GOLGA7B: variants seen among roughly 807,000 people sequenced by gnomAD.
GOLGA7B encodes golgin subfamily A member 7B.
A neutral mutation model predicts 21.5 loss-of-function variants in GOLGA7B; 17 were observed. That is an observed-to-expected ratio of 0.79 (90% confidence interval 0.54 to 1.19). GOLGA7B has a LOEUF of 1.19. Among genes scored for constraint, GOLGA7B ranks in the 50% most tolerant of loss-of-function variants. The probability of loss-of-function intolerance (pLI) is 0.00; values close to 1 mark genes in which losing one functional copy is unlikely to be tolerated. For missense variants in GOLGA7B, 169 were observed against 224.4 expected (o/e 0.75, Z 1.58); for synonymous variants, 87 against 84.0 (o/e 1.04, Z -0.19).
At chr10:97,864,103 G>A (rs1002135100) in intron 3 of GOLGA7B, 21 bp downstream of exon 3, 17 of 1,613,844 alleles carry the variant, frequency 1.1e-5, no homozygotes, top group African/African-American at 8.0e-5. Flanking sequence ...CCGCCCCACC[G>A]TGCATCCCTT....
At chr10:97,855,180 A>T (rs768444986) in intron 1 of GOLGA7B, among the ~76,000 whole-genome samples, 5 of 152,344 alleles carry the variant, frequency 3.3e-5, no homozygotes, top group South Asian at 4.1e-4. Context: ...GTGTGTACAC[A>T]TGTGTGCATT....
At chr10:97,854,920 T>C (rs1270069286) in intron 1 of GOLGA7B, among the ~76,000 whole-genome samples, 1 of 152,162 alleles carries the variant, frequency 6.6e-6, no homozygotes, top group Non-Finnish European at 1.5e-5. Context: ...TGTCACTATC[T>C]TCAACACAGG....
chr10:97,851,786 A>G (rs1210576622), intron 1 of GOLGA7B, among the ~76,000 whole-genome samples: 1 of 152,228 alleles, frequency 6.6e-6, no homozygotes, highest in East Asian at 1.9e-4. Context: ...CATCTGTCCC[A>G]GGATGTCTGC....
chr10:97,859,618 G>A (rs770673208), intron 2 of GOLGA7B, 35 bp downstream of exon 2: 3 of 1,608,086 alleles, frequency 1.9e-6, no homozygotes, highest in Admixed American at 1.7e-5. Flanking sequence ...GGAACCCAGG[G>A]CTGTGATGGA....
At position 97,852,610 on chromosome 10, in the gene GOLGA7B, C is replaced by T. The variant is rs56267144; in HGVS notation, c.12+2295C>T. Among the ~76,000 whole-genome samples, 361 of 151,842 alleles carry T rather than the reference C, an allele frequency of 2.4e-3. 1 individual carries two copies. Among genetic ancestry groups the T allele is most frequent in the Non-Finnish European group, 4.1e-3 (279 of 67,988 alleles). ...AAACTTGTTGGGAGAGGGAAAACAT[C>T]GCTTTAAGTTCCCATGATTATTCTG... On this transcript the variant is annotated intron_variant, in intron 1 of 4. Transcript: ENST00000370602.
chr10:97,868,626 CGT>C lies in GOLGA7B; in HGVS notation c.*2932_*2933del, dbSNP rs1178597268. 6.6e-6 allele frequency: 1 copy of C among 152,272 alleles called. No homozygotes were observed. The highest frequency in any genetic ancestry group is 1.5e-5 in the Non-Finnish European group (1 of 68,096). 9.4% of individuals were successfully genotyped at this position (152,272 alleles called of 1,614,324 possible). The stretch of plus-strand genomic sequence containing the variant: ...TCACTCCCTCTGCTGGAACCTGGGC[CGT>C]GTGTGGGTTGCCACAAGTGAGCGTG... On this transcript the variant is annotated 3_prime_UTR_variant, in exon 5 of 5. Coordinates refer to ENST00000370602, the MANE Select transcript of GOLGA7B (RefSeq NM_001010917.3).
intron 1 of GOLGA7B, among the ~76,000 whole-genome samples, chr10:97,856,714 GTGTTCCC>G (rs2049937416): frequency 6.6e-6 from 1 of 152,170 alleles, no homozygotes; most frequent in Admixed American, 6.5e-5. Context: ...CAGAGTATAA[GTGTTCCC>G]TGTTCTCTGC....
intron 4 of GOLGA7B, chr10:97,865,110 C>A (rs2050004692): frequency 1.3e-5 from 2 of 156,680 alleles, no homozygotes; most frequent in African/African-American, 4.8e-5. Context: ...TCCACACTAA[C>A]CCCAAGATTC....
In GOLGA7B at chr10:97,849,915, C is replaced by G. The variant is rs934542472; in HGVS notation, c.-389C>G. The G allele has an allele frequency of 2.0e-5, 3 of 152,004 alleles. No homozygotes were observed. Among genetic ancestry groups the G allele is most frequent in the Non-Finnish European group, 4.4e-5 (3 of 68,056 alleles). The allele number at this position is 152,004 out of a possible 1,614,324, so 9.4% of individuals were successfully genotyped here. A position where few individuals can be genotyped will look rare whatever the true frequency, so the allele number is the denominator to read the frequency against. Reference sequence around the variant, plus strand: ...CGCCGGAGTCTGGGGGCCGCGGCTTCCCCCTCCCGGCCAGCGGCGGCTCCT... The same window carrying G: ...CGCCGGAGTCTGGGGGCCGCGGCTTGCCCCTCCCGGCCAGCGGCGGCTCCT... On this transcript the variant is annotated 5_prime_UTR_variant, in exon 1 of 5. Coordinates refer to ENST00000370602, the MANE Select transcript of GOLGA7B (RefSeq NM_001010917.3).
chr10:97,855,357 C>T (rs1246262291), intron 1 of GOLGA7B, among the ~76,000 whole-genome samples: 2 of 152,202 alleles, frequency 1.3e-5, no homozygotes, highest in South Asian at 4.1e-4. Context: ...CCAGAGGCAT[C>T]ACATTGCCTG....
intron 1 of GOLGA7B, among the ~76,000 whole-genome samples, chr10:97,855,610 G>C (rs543267652): frequency 6.6e-6 from 1 of 152,214 alleles, no homozygotes; most frequent in South Asian, 2.1e-4. Flanking sequence ...CCTTCTAGGG[G>C]TAGGGGAGTC....
chr10:97,850,121 G>T lies in GOLGA7B; in HGVS notation c.-183G>T. On this transcript the variant is annotated 5_prime_UTR_variant, in exon 1 of 5. Transcript: ENST00000370602. ...CGGACAGCGCCGCGCCCCTTGCCTG[G>T]ACCCAGCCGCCCGCCCGCCCCCGGC... 1 of 185,460 alleles carries T rather than the reference G, an allele frequency of 5.4e-6. No homozygotes were observed. Among genetic ancestry groups the T allele is most frequent in the South Asian group, 1.7e-4 (1 of 5,918 alleles). 11.5% of individuals were successfully genotyped at this position (185,460 alleles called of 1,614,324 possible).
intron 4 of GOLGA7B, 71 bp downstream of exon 4, chr10:97,864,340 A>G: frequency 7.5e-7 from 1 of 1,338,544 alleles, no homozygotes; most frequent in Middle Eastern, 1.8e-4. Context: ...TGAGGCTGCC[A>G]GGAAACGAGG....
rs1280165428 is a variant in GOLGA7B, at chr10:97,867,082, G to GC, written c.*1387dup. ...GAGCCAAACTTTGGTGGCCTTTGGT[G>GC]CCCCCTCTCAGCTCCCCATGACAAG... is the stretch of plus-strand genomic sequence containing the variant. On this transcript the variant is annotated 3_prime_UTR_variant, in exon 5 of 5. Transcript: ENST00000370602. 2.6e-5 allele frequency: 4 copies of GC among 152,338 alleles called. No individual in the cohort carries two copies. Among genetic ancestry groups the GC allele is most frequent in the African/African-American group, 9.7e-5 (4 of 41,432 alleles). 9.4% of individuals were successfully genotyped at this position (152,338 alleles called of 1,614,324 possible). A position where few individuals can be genotyped will look rare whatever the true frequency, so the allele number is the denominator to read the frequency against.
At chr10:97,855,655 T>C (rs2049930714) in intron 1 of GOLGA7B, among the ~76,000 whole-genome samples, 1 of 152,198 alleles carries the variant, frequency 6.6e-6, no homozygotes. Context: ...ATAAGTTGGT[T>C]TTAGAGGGGC....
intron 1 of GOLGA7B, among the ~76,000 whole-genome samples, chr10:97,856,740 C>T (rs1050433227): frequency 6.6e-6 from 1 of 152,114 alleles, no homozygotes; most frequent in African/African-American, 2.4e-5. Flanking sequence ...GCATCTATGC[C>T]AGCATCTGTT....
rs1393609740 is a variant in GOLGA7B, at chr10:97,865,764, C to T, written c.*64C>T. 7.1e-7 allele frequency: 1 copy of T among 1,418,042 alleles called. No homozygotes were observed. The highest frequency in any genetic ancestry group is 9.3e-7 in the Non-Finnish European group (1 of 1,070,968). The allele number at this position is 1,418,042 out of a possible 1,614,324, so 87.8% of individuals were successfully genotyped here. ...TGAGGGCCTTGCAGACCTGCGGCGG[C>T]TGCGCTACCAGAGCACCCGCTTCTG... On this transcript the variant is annotated 3_prime_UTR_variant, in exon 5 of 5. Transcript: ENST00000370602.
rs1564863361 is a variant in GOLGA7B, at chr10:97,850,271, G to T, written c.-33G>T. 6.8e-6 allele frequency: 10 copies of T among 1,466,926 alleles called. No homozygotes were observed. Among genetic ancestry groups the T allele is most frequent in the African/African-American group, 1.5e-5 (1 of 68,052 alleles). 90.9% of individuals were successfully genotyped at this position (1,466,926 alleles called of 1,614,324 possible). On this transcript the variant is annotated 5_prime_UTR_variant, in exon 1 of 5. Transcript: ENST00000370602. ...AGCACCGCGGAGACCCCCCTCGCCC[G>T]GCCCCGCGACAGCCTCCGAGCGCCC...
At chr10:97,864,973 G>C (rs904277733) in intron 4 of GOLGA7B, 3 of 152,468 alleles carry the variant, frequency 2.0e-5, no homozygotes, top group African/African-American at 7.2e-5. Context: ...AGGAGAAACA[G>C]AGTCAAAAAA....
Sources: gnomAD v4.1 joint callset for allele counts (sites outside exome capture counted in the v4.1 genomes callset) on GRCh38, gnomAD v4.1.1 for gene constraint, MANE v1.5 for transcripts, NCBI Gene and HGNC (gene_info 2026-07-23, HGNC 2026-07-21) for gene names.